The following P2RY10 variants were observed in gnomAD, a reference collection of about 807,000 sequenced individuals.
P2RY10 encodes P2Y receptor family member 10, also known as putative P2Y purinoceptor 10.
Under a neutral mutation model 12.1 loss-of-function variants are expected in P2RY10, and 4 were observed. The observed-to-expected ratio is 0.33, with a 90% CI of 0.16 to 0.76. The LOEUF is 0.76. Ranked by LOEUF, P2RY10 falls within the 30% of genes least tolerant of loss-of-function variation. The probability of loss-of-function intolerance (pLI) is 0.61; values close to 1 mark genes in which losing one functional copy is unlikely to be tolerated. For missense variants in P2RY10, 233 were observed against 264.6 expected (o/e 0.88, Z 0.83); for synonymous variants, 112 against 94.1 (o/e 1.19, Z -1.10).
intron 1 of P2RY10, among the ~76,000 whole-genome samples, chrX:78,947,376 T>C (rs1383386265): frequency 8.9e-6 from 1 of 112,158 alleles, no homozygotes; most frequent in Non-Finnish European, 1.9e-5. Context: ...TTTTAAAAGC[T>C]TTTGGCAAAA....
intron 3 of P2RY10, among the ~76,000 whole-genome samples, chrX:78,953,485 G>A (rs1922199220): frequency 8.9e-6 from 1 of 112,342 alleles, no homozygotes; most frequent in Non-Finnish European, 1.9e-5. Flanking sequence ...ATCAGCAGAA[G>A]TGAATGCTGT....
At chrX:78,948,713 A>G (rs772482524) in intron 2 of P2RY10, among the ~76,000 whole-genome samples, 1 of 110,869 alleles carries the variant, frequency 9.0e-6, no homozygotes, top group African/African-American at 3.3e-5. Flanking sequence ...GAGAACATCT[A>G]TTTTTTTTAT....
At chrX:78,957,397 G>A (rs866236503) in intron 3 of P2RY10, among the ~76,000 whole-genome samples, 1 of 73,394 alleles carries the variant, frequency 1.4e-5, no homozygotes, top group Non-Finnish European at 3.0e-5. Flanking sequence ...CAGAGAGAGA[G>A]AGAGAGAGAG....
At chrX:78,950,306 G>C (rs577130272) in intron 2 of P2RY10, among the ~76,000 whole-genome samples, 2 of 111,028 alleles carry the variant, frequency 1.8e-5, no homozygotes, top group Admixed American at 1.9e-4. Flanking sequence ...CATACCAAAT[G>C]AGAGCTAGAA....
At position 78,962,649 on chromosome X, in the gene P2RY10, G is replaced by T. The variant is rs950848189; in HGVS notation, c.*1109G>T. Among the ~76,000 whole-genome samples the T allele has an allele frequency of 9.0e-6, 1 of 111,253 alleles. No homozygotes were observed. Among genetic ancestry groups the T allele is most frequent in the Non-Finnish European group, 1.9e-5 (1 of 53,079 alleles). On this transcript the variant is annotated 3_prime_UTR_variant, in exon 4 of 4. Transcript: ENST00000171757. ...AAGGTCTTAAGTGGTAAATAGATGC[G>T]TTGTCCTAATACTGTTCCAAGGTAG... is the stretch of plus-strand genomic sequence containing the variant.
chrX:78,960,438 A>AGAG, intron 3 of P2RY10, 70 bp from the exon 4 acceptor site: 1 of 786,291 alleles, frequency 1.3e-6, no homozygotes, highest in Non-Finnish European at 1.8e-6. Flanking sequence ...TAAGTATAAA[A>AGAG]GAGAGATCTA....
intron 3 of P2RY10, among the ~76,000 whole-genome samples, chrX:78,958,243 T>A (rs1278110892): frequency 8.9e-6 from 1 of 112,672 alleles, no homozygotes; most frequent in East Asian, 2.8e-4. Context: ...CATGTCACAG[T>A]GAAATCGAAA....
intron 2 of P2RY10, 139 bp downstream of exon 2, chrX:78,948,002 TA>T (rs1306368420): frequency 7.3e-6 from 1 of 136,810 alleles, no homozygotes; most frequent in African/African-American, 3.2e-5. Context: ...TTGAGAAACG[TA>T]AACATTTCAC....
At position 78,960,656 on chromosome X, in the gene P2RY10, A is replaced by G; in HGVS notation, c.136A>G (p.Ile46Val). The G allele has an allele frequency of 1.7e-6, 2 of 1,211,365 alleles. No individual in the cohort carries two copies. Among genetic ancestry groups the G allele is most frequent in the Non-Finnish European group, 2.2e-6 (2 of 895,218 alleles). ...TGCAACCACCTATATCCTCATATTC[A>G]TTCCTGGTCTTCTGGCTAACAGTGC... ...LYATTYILIFIPGLLANSAAL... is the reference protein window; with the variant it reads ...LYATTYILIFVPGLLANSAAL... The change falls in exon 4 of 4, where the codon ATT becomes GTT. Residue 46 changes from isoleucine (I) to valine (V), a missense_variant. Transcript: ENST00000171757.
At chrX:78,953,571 A>G (rs1922203726) in intron 3 of P2RY10, among the ~76,000 whole-genome samples, 1 of 112,296 alleles carries the variant, frequency 8.9e-6, no homozygotes, top group Admixed American at 9.4e-5. Context: ...ATGTTTTATA[A>G]ATGAAATCAT....
intron 3 of P2RY10, among the ~76,000 whole-genome samples, chrX:78,957,684 C>A (rs1019197140): frequency 1.8e-5 from 2 of 111,644 alleles, no homozygotes; most frequent in Admixed American, 1.9e-4. Flanking sequence ...TTCTTACCTT[C>A]CCTTCAGTCT....
At chrX:78,956,366 T>C (rs1369577709) in intron 3 of P2RY10, among the ~76,000 whole-genome samples, 1 of 111,750 alleles carries the variant, frequency 8.9e-6, no homozygotes, top group African/African-American at 3.2e-5. Flanking sequence ...ATCAGAAATG[T>C]ACTAGTTGAT....
rs1033079327 is a variant in P2RY10, at chrX:78,962,466, T to C, written c.*926T>C. On this transcript the variant is annotated 3_prime_UTR_variant, in exon 4 of 4. Coordinates refer to ENST00000171757, the MANE Select transcript of P2RY10 (RefSeq NM_014499.4). ...TATGCTTATGTTATTCCCTTGCTTTTGTTGTTACATTTATTAGGTCTATAC... is the reference window on the plus strand; with the variant it reads ...TATGCTTATGTTATTCCCTTGCTTTCGTTGTTACATTTATTAGGTCTATAC... 4.5e-5 allele frequency among the ~76,000 whole-genome samples: 5 copies of C among 112,134 alleles called. No individual in the cohort carries two copies. The highest frequency in any genetic ancestry group is 9.4e-5 in the Non-Finnish European group (5 of 53,232).
rs1922699334 is a variant in P2RY10 at position 78,962,791 on chromosome X, C to T, written c.*1251C>T. Reference sequence around the variant, plus strand: ...CTCATAAGTAGGTGAAAAAAAAAACCCTGTGGAGTGATAAACATTCTATAA... The same window carrying T: ...CTCATAAGTAGGTGAAAAAAAAAACTCTGTGGAGTGATAAACATTCTATAA... On this transcript the variant is annotated 3_prime_UTR_variant, in exon 4 of 4. Transcript: ENST00000171757. 9.0e-6 allele frequency among the ~76,000 whole-genome samples: 1 copy of T among 111,026 alleles called. No homozygotes were observed. Among genetic ancestry groups the T allele is most frequent in the Non-Finnish European group, 1.9e-5 (1 of 52,937 alleles).
rs1922734982 is a variant in P2RY10 at position 78,963,509 on chromosome X, C to A, written c.*1969C>A. ...CTATGTCTGTGGAGAAATGGAACTG[C>A]AATCCTCAAGAGTCACACTTCATAT... On this transcript the variant is annotated 3_prime_UTR_variant, in exon 4 of 4. Coordinates refer to ENST00000171757, the MANE Select transcript of P2RY10 (RefSeq NM_014499.4). Among the ~76,000 whole-genome samples, 1 of 112,240 alleles carries A rather than the reference C, an allele frequency of 8.9e-6. No homozygotes were observed. The highest frequency in any genetic ancestry group is 9.4e-5 in the Admixed American group (1 of 10,626).
chrX:78,953,853 G>A (rs996440628), intron 3 of P2RY10, among the ~76,000 whole-genome samples: 3 of 111,135 alleles, frequency 2.7e-5, no homozygotes, highest in Non-Finnish European at 5.7e-5. Flanking sequence ...TATTTTTTAT[G>A]TATTCATTTT....
At chrX:78,953,959 G>T (rs909654877) in intron 3 of P2RY10, among the ~76,000 whole-genome samples, 3 of 111,941 alleles carry the variant, frequency 2.7e-5, no homozygotes, top group Non-Finnish European at 5.6e-5. Context: ...CTGTCTCCCC[G>T]GCTCAAGCGA....
Position 78,960,970 on chromosome X carries a change from G to T in P2RY10, c.450G>T (p.Val150=). The T allele has an allele frequency of 8.3e-7, 1 of 1,210,841 alleles. No individual in the cohort carries two copies. Among genetic ancestry groups the T allele is most frequent in the Non-Finnish European group, 1.1e-6 (1 of 894,650 alleles). ...GAGACTGGAAGCGTAGGTACGATGT[G>T]GGCATCAGTGCTGCCATCTGGATCG... ...RARDWKRRYD[V]GISAAIWIVV... Residue 150 remains valine (V), a synonymous_variant, in exon 4 of 4, where the codon GTG becomes GTT. Transcript: ENST00000171757.
rs746551172 is a variant in P2RY10, at chrX:78,952,377, A to G, written c.-14+42A>G. The G allele has an allele frequency of 5.7e-6, 4 of 704,136 alleles. No homozygotes were observed. In the South Asian group the frequency reaches 2.9e-4, roughly 52 times the overall value. The allele number at this position is 704,136 out of a possible 1,213,427, so 58.0% of individuals were successfully genotyped here. A position where few individuals can be genotyped will look rare whatever the true frequency, so the allele number is the denominator to read the frequency against. On this transcript the variant is annotated intron_variant, in intron 3 of 3. Coordinates refer to ENST00000171757, the MANE Select transcript of P2RY10 (RefSeq NM_014499.4). ...CTTCTGTAAGGCTGGCATTGGAGGC[A>G]CTGGGAATTCTATTCTCACCTCTTT...
Sources: allele counts gnomAD v4.1 joint callset (sites outside exome capture counted in the v4.1 genomes callset), GRCh38; gene constraint gnomAD v4.1.1; transcripts MANE v1.5; gene names NCBI Gene and HGNC (gene_info 2026-07-23, HGNC 2026-07-21).